ASTN2: variants seen among roughly 807,000 people sequenced by gnomAD.
The protein encoded by ASTN2 is astrotactin 2.
A neutral mutation model predicts 139.8 loss-of-function variants in ASTN2; 54 were observed. The observed-to-expected ratio is 0.39, with a 90% CI of 0.31 to 0.48. The LOEUF (loss-of-function observed/expected upper bound fraction) is 0.48. Ranked by LOEUF, ASTN2 falls within the 20% of genes least tolerant of loss-of-function variation. The pLI, the probability that ASTN2 is intolerant of heterozygous loss-of-function variation, is 0.95. For missense variants in ASTN2, 1,565 were observed against 1,725.1 expected, an observed-to-expected ratio of 0.91 and a Z score of 1.64; for synonymous variants, 756 against 719.5, an observed-to-expected ratio of 1.05 and a Z score of -0.81.
At chr9:116,596,237 C>T (rs1006578752) in intron 19 of ASTN2, among the ~76,000 whole-genome samples, 1 of 152,142 alleles carries the variant, frequency 6.6e-6, no homozygotes, top group Non-Finnish European at 1.5e-5. Context: ...TAGGCAAAGT[C>T]AAAGAAGCTG....
At chr9:116,945,741 CA>C (rs1200950926) in intron 10 of ASTN2, among the ~76,000 whole-genome samples, 1 of 152,036 alleles carries the variant, frequency 6.6e-6, no homozygotes, top group Non-Finnish European at 1.5e-5. Context: ...CAGTTATGAA[CA>C]ACACACATAG....
chr9:116,828,938 G>T (rs1434325759), intron 11 of ASTN2, among the ~76,000 whole-genome samples: 2 of 151,810 alleles, frequency 1.3e-5, no homozygotes, highest in African/African-American at 4.8e-5. Context: ...AAAATATCTA[G>T]GAATATATTT....
chr9:117,169,902 C>T (rs541925943), intron 3 of ASTN2, among the ~76,000 whole-genome samples: 9 of 152,082 alleles, frequency 5.9e-5, no homozygotes, highest in South Asian at 2.1e-4. Flanking sequence ...GCTTTGGGAA[C>T]GGCATAACAG....
Position 116,863,573 on chromosome 9 carries a change from G to A in ASTN2, c.2040+10C>T, listed in dbSNP as rs968482975. 5.6e-6 allele frequency: 9 copies of A among 1,613,088 alleles called. No individual in the cohort carries two copies. The highest frequency in any genetic ancestry group is 1.3e-5 in the African/African-American group (1 of 74,900). The stretch of plus-strand genomic sequence containing the variant: ...GCCACTGCCATGTTCCCGGGCCAAT[G>A]GGCACTTACCACACATCCCGAGGAA... On this transcript the variant is annotated intron_variant, in intron 11 of 22. Transcript: ENST00000313400.
chr9:116,539,603 T>G (rs1340353294), intron 19 of ASTN2, among the ~76,000 whole-genome samples: 3 of 152,180 alleles, frequency 2.0e-5, no homozygotes, highest in Non-Finnish European at 4.4e-5. Flanking sequence ...AAGACCCCAG[T>G]GGACGTCTGA....
intron 13 of ASTN2, among the ~76,000 whole-genome samples, chr9:116,738,862 C>T (rs186601623): frequency 5.8e-4 from 88 of 152,300 alleles, no homozygotes; most frequent in African/African-American, 2.1e-3. Context: ...TGCTCTTGAT[C>T]CCTGGCATAG....
intron 3 of ASTN2, among the ~76,000 whole-genome samples, chr9:117,183,055 A>C (rs1212436911): frequency 6.6e-6 from 1 of 152,218 alleles, no homozygotes; most frequent in Admixed American, 6.5e-5. Flanking sequence ...CCTTCCTCAG[A>C]AAGGCCTTCT....
At chr9:116,940,541 G>A (rs1434225807) in intron 10 of ASTN2, among the ~76,000 whole-genome samples, 2 of 152,092 alleles carry the variant, frequency 1.3e-5, no homozygotes, top group South Asian at 2.1e-4. Flanking sequence ...AGGAGTTTAA[G>A]AGTGAAAAAA....
intron 6 of ASTN2, among the ~76,000 whole-genome samples, chr9:117,017,299 CA>C (rs1205834726): frequency 6.6e-6 from 1 of 152,054 alleles, no homozygotes; most frequent in Non-Finnish European, 1.5e-5. Flanking sequence ...GGAATTTAGG[CA>C]TCAGACCCAA....
intron 1 of ASTN2, among the ~76,000 whole-genome samples, chr9:117,354,911 C>T (rs921017139): frequency 5.3e-5 from 8 of 152,320 alleles, no homozygotes; most frequent in Non-Finnish European, 5.9e-5. Context: ...AAATACTCAA[C>T]GATTCTTCCT....
At chr9:117,392,476 T>C (rs2130947238) in intron 1 of ASTN2, among the ~76,000 whole-genome samples, 1 of 152,270 alleles carries the variant, frequency 6.6e-6, no homozygotes, top group East Asian at 1.9e-4. Context: ...TTTTGTACTG[T>C]TTGTTTGTTT....
intron 17 of ASTN2, among the ~76,000 whole-genome samples, chr9:116,649,671 G>A (rs1192804518): frequency 6.6e-6 from 1 of 151,398 alleles, no homozygotes; most frequent in African/African-American, 2.4e-5. Flanking sequence ...ATTCATTTTG[G>A]TTACTGTAGT....
chr9:116,721,368 T>C (rs1269750634), intron 16 of ASTN2, among the ~76,000 whole-genome samples: 4 of 152,158 alleles, frequency 2.6e-5, no homozygotes, highest in Admixed American at 2.6e-4. Context: ...ACCCTCATCA[T>C]GATATAAAGC....
At chr9:116,606,601 C>G (rs921701732) in intron 19 of ASTN2, among the ~76,000 whole-genome samples, 5 of 152,116 alleles carry the variant, frequency 3.3e-5, no homozygotes, top group African/African-American at 1.2e-4. Flanking sequence ...CTCACCTGAC[C>G]AAATGTGTGA....
chr9:117,233,328 C>T (rs1197498319), intron 2 of ASTN2, among the ~76,000 whole-genome samples: 1 of 152,206 alleles, frequency 6.6e-6, no homozygotes, highest in African/African-American at 2.4e-5. Flanking sequence ...GCAACTTAAT[C>T]CTGTTAATGA....
At chr9:116,860,364 G>T (rs1213600757) in intron 11 of ASTN2, among the ~76,000 whole-genome samples, 1 of 152,202 alleles carries the variant, frequency 6.6e-6, no homozygotes, top group Non-Finnish European at 1.5e-5. Flanking sequence ...CAGTAATGTG[G>T]TCTCCTTATC....
Position 116,423,768 on chromosome 9 carries a change from T to C in ASTN2, c.*2083A>G, listed in dbSNP as rs1223196288. Among the ~76,000 whole-genome samples the C allele has an allele frequency of 6.6e-6, 1 of 152,184 alleles. No homozygotes were observed. The highest frequency in any genetic ancestry group is 1.5e-5 in the Non-Finnish European group (1 of 68,038). On this transcript the variant is annotated 3_prime_UTR_variant, in exon 23 of 23. Transcript: ENST00000313400. ...GAATCTCTTTCTGCTTTGTTTTCTT[T>C]TGTGTTACCCATTTTCCCCATATGG...
intron 22 of ASTN2, among the ~76,000 whole-genome samples, chr9:116,430,195 C>G (rs1371707837): frequency 6.6e-6 from 1 of 152,170 alleles, no homozygotes; most frequent in Non-Finnish European, 1.5e-5. Context: ...CCAACATGCC[C>G]AAATGCCCTT....
At chr9:117,117,892 G>A (rs2132805681) in intron 4 of ASTN2, among the ~76,000 whole-genome samples, 1 of 152,194 alleles carries the variant, frequency 6.6e-6, no homozygotes, top group Middle Eastern at 3.4e-3. Flanking sequence ...AGGCTCTGGG[G>A]GTAAGAGCCA....
Sources: allele counts gnomAD v4.1 joint callset (sites outside exome capture counted in the v4.1 genomes callset), GRCh38; gene constraint gnomAD v4.1.1; transcripts MANE v1.5; gene names NCBI Gene and HGNC (gene_info 2026-07-23, HGNC 2026-07-21).